Variants in EPM2A observed in about 807,000 individuals in gnomAD.
The protein encoded by EPM2A is EPM2A glucan phosphatase, laforin.
Under a neutral mutation model 26.5 loss-of-function variants are expected in EPM2A, and 21 were observed. The ratio of observed to expected loss-of-function variants is 0.79; its 90% CI spans 0.56 to 1.14. The LOEUF (loss-of-function observed/expected upper bound fraction) is 1.14. Among genes scored for constraint, EPM2A ranks in the 50% most tolerant of loss-of-function variants. EPM2A has a pLI of 0.00. For synonymous variants in EPM2A, 217 were observed against 177.6 expected, an observed-to-expected ratio of 1.22 and a Z score of -1.76; for missense variants, 458 against 440.8, an observed-to-expected ratio of 1.04 and a Z score of -0.35.
At chr6:145,490,356 C>G in intron 4 of EPM2A, 1 of 1,272,650 alleles carries the variant, frequency 7.9e-7, no homozygotes, top group Non-Finnish European at 1.1e-6. Flanking sequence ...TTCTTTCTTC[C>G]TTTTTTGCCT....
intron 2 of EPM2A, among the ~76,000 whole-genome samples, chr6:145,652,289 A>C (rs1452493442): frequency 6.6e-6 from 1 of 152,122 alleles, no homozygotes; most frequent in East Asian, 1.9e-4. Flanking sequence ...AATGGACTTC[A>C]AAAAATTTTT....
intron 4 of EPM2A, among the ~76,000 whole-genome samples, chr6:145,394,377 A>C (rs9376924): frequency 0.26 from 38,908 of 151,766 alleles, 5,497 homozygotes; most frequent in Non-Finnish European, 0.32. Flanking sequence ...TGCCTGATAC[A>C]CTCTGGGCCA....
At chr6:145,600,636 C>T (rs766963826) in intron 2 of EPM2A, among the ~76,000 whole-genome samples, 5 of 152,160 alleles carry the variant, frequency 3.3e-5, no homozygotes, top group Non-Finnish European at 7.3e-5. Context: ...GATATTTTTC[C>T]CTCACCAGTT....
At chr6:145,683,577 C>A (rs1369764658) in intron 2 of EPM2A, among the ~76,000 whole-genome samples, 2 of 152,034 alleles carry the variant, frequency 1.3e-5, no homozygotes, top group African/African-American at 2.4e-5. Context: ...AACTAAGGTT[C>A]ACTCTCACCT....
chr6:145,446,793 C>T (rs373447637), intron 4 of EPM2A, among the ~76,000 whole-genome samples: 1 of 151,970 alleles, frequency 6.6e-6, no homozygotes, highest in East Asian at 1.9e-4. Context: ...AAGGATGCCT[C>T]AAGGTAGAAA....
At chr6:145,635,115 T>C (rs527717668) in intron 3 of EPM2A, 130 bp downstream of exon 3, 2 of 1,046,966 alleles carry the variant, frequency 1.9e-6, no homozygotes, top group Admixed American at 4.2e-5. Context: ...ATTATATATA[T>C]TAAATCTAAA....
chr6:145,527,564 T>C (rs1000424975), intron 2 of EPM2A, among the ~76,000 whole-genome samples: 3 of 152,124 alleles, frequency 2.0e-5, no homozygotes, highest in Non-Finnish European at 1.5e-5. Flanking sequence ...CTGTTGTTGG[T>C]TTAAAGTCTT....
At chr6:145,557,829 T>C (rs1780750877) in intron 2 of EPM2A, among the ~76,000 whole-genome samples, 1 of 152,114 alleles carries the variant, frequency 6.6e-6, no homozygotes, top group Admixed American at 6.6e-5. Flanking sequence ...AATAGATCTC[T>C]TGAACTTGTT....
intron 4 of EPM2A, among the ~76,000 whole-genome samples, chr6:145,430,702 C>A (rs1214174987): frequency 6.6e-6 from 1 of 151,958 alleles, no homozygotes; most frequent in African/African-American, 2.4e-5. Flanking sequence ...TATTTAATTC[C>A]ATCTGTCTGA....
chr6:145,690,665 A>C (rs1781225822), intron 1 of EPM2A, among the ~76,000 whole-genome samples: 1 of 152,074 alleles, frequency 6.6e-6, no homozygotes, highest in Admixed American at 6.5e-5. Context: ...GATAAAGGCC[A>C]ACACCAAGAG....
At chr6:145,628,406 C>T (rs1775988425) in intron 3 of EPM2A, 1 of 152,536 alleles carries the variant, frequency 6.6e-6, no homozygotes, top group Non-Finnish European at 1.5e-5. Flanking sequence ...CACGTTATGC[C>T]CTGCTGAGGC....
At chr6:145,523,453 C>G (rs1273920729) in intron 2 of EPM2A, among the ~76,000 whole-genome samples, 1 of 152,170 alleles carries the variant, frequency 6.6e-6, no homozygotes, top group Non-Finnish European at 1.5e-5. Flanking sequence ...ATATCTTGAC[C>G]ATTCTCACAA....
chr6:145,409,054 G>A (rs1260790300), intron 4 of EPM2A, among the ~76,000 whole-genome samples: 1 of 152,096 alleles, frequency 6.6e-6, no homozygotes, highest in East Asian at 1.9e-4. Flanking sequence ...GGATTTTCAG[G>A]AAATTAGAAG....
intron 2 of EPM2A, among the ~76,000 whole-genome samples, chr6:145,675,556 A>G (rs1176207798): frequency 1.3e-5 from 2 of 152,194 alleles, no homozygotes; most frequent in South Asian, 2.1e-4. Flanking sequence ...ACGTGCAGAG[A>G]TACACATAGG....
intron 4 of EPM2A, among the ~76,000 whole-genome samples, chr6:145,466,915 T>C (rs973383234): frequency 1.3e-5 from 2 of 152,202 alleles, no homozygotes; most frequent in Middle Eastern, 3.4e-3. Context: ...ACACCACACA[T>C]TCTCACTCAT....
At chr6:145,690,724 G>T (rs980399321) in intron 1 of EPM2A, among the ~76,000 whole-genome samples, 3 of 151,764 alleles carry the variant, frequency 2.0e-5, no homozygotes, top group Non-Finnish European at 4.4e-5. Flanking sequence ...AGATTTTAAG[G>T]CCTCAGTAAC....
At chr6:145,711,309 G>T (rs748099060) in intron 1 of EPM2A, among the ~76,000 whole-genome samples, 1 of 152,182 alleles carries the variant, frequency 6.6e-6, no homozygotes, top group Admixed American at 6.5e-5. Flanking sequence ...TACCGCAGGA[G>T]CTTGTAATAC....
chr6:145,722,117 C>T (rs1270599530), intron 1 of EPM2A, among the ~76,000 whole-genome samples: 1 of 152,138 alleles, frequency 6.6e-6, no homozygotes, highest in East Asian at 1.9e-4. Flanking sequence ...GAAACTGTAG[C>T]AATTTATACA....
intron 2 of EPM2A, among the ~76,000 whole-genome samples, chr6:145,539,153 T>C (rs1283385331): frequency 1.3e-5 from 2 of 152,202 alleles, no homozygotes; most frequent in Non-Finnish European, 2.9e-5. Context: ...ACATCATGCC[T>C]CAGGGAGCAA....
Sources: allele counts gnomAD v4.1 joint callset (sites outside exome capture counted in the v4.1 genomes callset), GRCh38; gene constraint gnomAD v4.1.1; transcripts MANE v1.5; gene names NCBI Gene and HGNC (gene_info 2026-07-23, HGNC 2026-07-21).